Variants in ZNF592 observed in about 807,000 individuals in gnomAD.
The protein encoded by ZNF592 is spinocerebellar ataxia, autosomal recessive 5.
Under a neutral mutation model 80.3 loss-of-function variants are expected in ZNF592, and 11 were observed. The observed-to-expected ratio is 0.14, with a 90% CI of 0.09 to 0.23. The LOEUF (loss-of-function observed/expected upper bound fraction) is 0.23, where lower values mean the gene tolerates loss of function less well. ZNF592 is among the 10% of genes least tolerant of loss of function. The pLI, the probability that ZNF592 is intolerant of heterozygous loss-of-function variation, is 1.00. For synonymous variants in ZNF592, 646 were observed against 640.3 expected, an observed-to-expected ratio of 1.01 and a Z score of -0.13; for missense variants, 1,420 against 1,633.9, an observed-to-expected ratio of 0.87 and a Z score of 2.26.
intron 10 of ZNF592, among the ~76,000 whole-genome samples, chr15:84,800,882 C>A (rs532230710): frequency 3.3e-5 from 5 of 152,354 alleles, no homozygotes; most frequent in African/African-American, 1.2e-4. Flanking sequence ...TAAATGTCTG[C>A]CGTTGGGGAC....
At chr15:84,752,787 G>A (rs757581422) in intron 1 of ZNF592, among the ~76,000 whole-genome samples, 1 of 152,120 alleles carries the variant, frequency 6.6e-6, no homozygotes, top group Non-Finnish European at 1.5e-5. Context: ...TCTCTGCTTC[G>A]TAGACCAGAA....
rs758125949 is a variant in ZNF592, at chr15:84,782,780, G to A, written c.105G>A (p.Glu35=). ...AGGAGGCCATCCAGACACCCAGTGA[G>A]GAGAATGAGAGTCCCCTCAAACCTC... ...DAKEAIQTPS[E]ENESPLKPPG... The change falls in exon 4 of 11, where the codon GAG becomes GAA. Residue 35 remains glutamate (E), a synonymous_variant. Coordinates refer to ENST00000560079, the MANE Select transcript of ZNF592 (RefSeq NM_014630.3). The A allele has an allele frequency of 6.2e-7, 1 of 1,614,110 alleles. No homozygotes were observed. The highest frequency in any genetic ancestry group is 2.2e-5 in the East Asian group (1 of 44,884).
intron 2 of ZNF592, among the ~76,000 whole-genome samples, chr15:84,768,625 G>A (rs2141971866): frequency 6.6e-6 from 1 of 152,018 alleles, no homozygotes; most frequent in South Asian, 2.1e-4. Flanking sequence ...CTTTCCTCTG[G>A]TGTCACACTG....
chr15:84,773,118 T>G (rs1169961633), intron 2 of ZNF592, among the ~76,000 whole-genome samples: 1 of 152,204 alleles, frequency 6.6e-6, no homozygotes, highest in Non-Finnish European at 1.5e-5. Context: ...ATATATTTTT[T>G]TAAAGTGATA....
At chr15:84,782,629 C>T in intron 3 of ZNF592, 28 bp from the exon 4 acceptor site, 1 of 1,609,858 alleles carries the variant, frequency 6.2e-7, no homozygotes, top group Non-Finnish European at 8.5e-7. Flanking sequence ...CTGGTGGTCA[C>T]TGATTCTGTT....
chr15:84,797,851 T>C lies in ZNF592; in HGVS notation c.2400-18T>C. 1.2e-6 allele frequency: 2 copies of C among 1,614,172 alleles called. No homozygotes were observed. Among genetic ancestry groups the C allele is most frequent in the East Asian group, 2.2e-5 (1 of 44,882 alleles). On this transcript the variant is annotated intron_variant, in intron 5 of 10. Transcript: ENST00000560079. ...CCCTATACTCCACCCACACTCACACTACCCCACTTCTGTCTAGGTGCATCC... is the reference window on the plus strand; with the variant it reads ...CCCTATACTCCACCCACACTCACACCACCCCACTTCTGTCTAGGTGCATCC...
intron 1 of ZNF592, among the ~76,000 whole-genome samples, chr15:84,760,281 C>T (rs1899311612): frequency 6.6e-6 from 1 of 152,196 alleles, no homozygotes; most frequent in South Asian, 2.1e-4. Flanking sequence ...ATATCTCCTA[C>T]TCCTTCTGCT....
At chr15:84,750,860 C>G (rs1359659444) in intron 1 of ZNF592, among the ~76,000 whole-genome samples, 1 of 152,082 alleles carries the variant, frequency 6.6e-6, no homozygotes, top group Non-Finnish European at 1.5e-5. Flanking sequence ...GAGACTAGGG[C>G]CAAATTAGAG....
chr15:84,789,736 A>T (rs1351775953), intron 4 of ZNF592, among the ~76,000 whole-genome samples: 1 of 152,086 alleles, frequency 6.6e-6, no homozygotes, highest in South Asian at 2.1e-4. Flanking sequence ...TGCTCATGTT[A>T]TCCTATCTTT....
At position 84,802,019 on chromosome 15, in the gene ZNF592, CCT is replaced by C; in HGVS notation, c.3432_3433del (p.Gln1145AlafsTer69). 6.2e-7 allele frequency: 1 copy of C among 1,613,996 alleles called. No individual in the cohort carries two copies. Among genetic ancestry groups the C allele is most frequent in the Non-Finnish European group, 8.5e-7 (1 of 1,179,884 alleles). Reference sequence around the variant, plus strand: ...GGGGCTCGAGTTTCAGAGCCACATACCTCAGCACCAGGTGGACAGCTCCACAG... The same window carrying C: ...GGGGCTCGAGTTTCAGAGCCACATACCAGCACCAGGTGGACAGCTCCACAG... ...DSGLEFQSHI[P>X]QHQVDSSTAQ... On this transcript the variant is annotated frameshift_variant, in exon 11 of 11. Coordinates refer to ENST00000560079, the MANE Select transcript of ZNF592 (RefSeq NM_014630.3). LOFTEE classifies it high-confidence loss of function.
At chr15:84,777,868 T>C (rs1962308754) in intron 2 of ZNF592, among the ~76,000 whole-genome samples, 1 of 151,706 alleles carries the variant, frequency 6.6e-6, no homozygotes, top group African/African-American at 2.4e-5. Flanking sequence ...CCCGGCTAAT[T>C]TTTTTGTATT....
At chr15:84,766,621 CAG>C (rs1218857666) in intron 2 of ZNF592, among the ~76,000 whole-genome samples, 5 of 147,418 alleles carry the variant, frequency 3.4e-5, no homozygotes, top group African/African-American at 1.0e-4. Context: ...GATAGAGAGA[CAG>C]AGAGAGAGAG....
At chr15:84,758,867 A>G (rs1487943714) in intron 1 of ZNF592, among the ~76,000 whole-genome samples, 1 of 151,828 alleles carries the variant, frequency 6.6e-6, no homozygotes, top group African/African-American at 2.4e-5. Flanking sequence ...TCTAGGATGT[A>G]GTGAGCCGTG....
intron 2 of ZNF592, among the ~76,000 whole-genome samples, chr15:84,767,775 A>G (rs1207062773): frequency 6.6e-6 from 1 of 152,102 alleles, no homozygotes. Context: ...ATTGAGATAT[A>G]ATTCACATGC....
chr15:84,762,235 ATAAG>A (rs1899373789), intron 1 of ZNF592, among the ~76,000 whole-genome samples: 2 of 152,334 alleles, frequency 1.3e-5, no homozygotes, highest in East Asian at 1.9e-4. Context: ...TTTATAGATA[ATAAG>A]TAAGATAAAA....
Position 84,802,376 on chromosome 15 carries a change from C to T in ZNF592, c.3787C>T (p.Leu1263=), listed in dbSNP as rs1963124571. ...CTCTCAGGACCAGGACAGCCACACA[C>T]TGTCCCCTCAGGTGTGACCGGAGAC... ...QASQDQDSHT[L]SPQV Residue 1263 remains leucine (L), a synonymous_variant, in exon 11 of 11, where the codon CTG becomes TTG. Coordinates refer to ENST00000560079, the MANE Select transcript of ZNF592 (RefSeq NM_014630.3). 1 of 1,613,714 alleles carries T rather than the reference C, an allele frequency of 6.2e-7. No homozygotes were observed. Among genetic ancestry groups the T allele is most frequent in the Non-Finnish European group, 8.5e-7 (1 of 1,180,030 alleles).
chr15:84,802,636 T>G lies in ZNF592; in HGVS notation c.*243T>G. 1 of 570,022 alleles carries G rather than the reference T, an allele frequency of 1.8e-6. No homozygotes were observed. Among genetic ancestry groups the G allele is most frequent in the Non-Finnish European group, 3.1e-6 (1 of 318,050 alleles). 35.3% of individuals were successfully genotyped at this position (570,022 alleles called of 1,614,324 possible). A position where few individuals can be genotyped will look rare whatever the true frequency, so the allele number is the denominator to read the frequency against. On this transcript the variant is annotated 3_prime_UTR_variant, in exon 11 of 11. Coordinates refer to ENST00000560079, the MANE Select transcript of ZNF592 (RefSeq NM_014630.3). ...TTTATGGCTTTTCGCTGCTTCTTGGTGCCCCATCTCTTGTCTGTGTCCTTC... is the reference window on the plus strand; with the variant it reads ...TTTATGGCTTTTCGCTGCTTCTTGGGGCCCCATCTCTTGTCTGTGTCCTTC...
In ZNF592 at chr15:84,802,724, G is replaced by A. The variant is rs1051563898; in HGVS notation, c.*331G>A. 25 of 380,108 alleles carry A rather than the reference G, an allele frequency of 6.6e-5. No homozygotes were observed. Among genetic ancestry groups the A allele is most frequent in the Admixed American group, 5.0e-4 (13 of 25,942 alleles). The allele number at this position is 380,108 out of a possible 1,614,324, so 23.5% of individuals were successfully genotyped here. A position where few individuals can be genotyped will look rare whatever the true frequency, so the allele number is the denominator to read the frequency against. ...GTCAACTAGGCTTGAACCCCACAGC[G>A]GCTGTGCTCTTCTGGGAGGTTCCCG... On this transcript the variant is annotated 3_prime_UTR_variant, in exon 11 of 11. Transcript: ENST00000560079.
At chr15:84,757,979 T>C (rs1268091948) in intron 1 of ZNF592, among the ~76,000 whole-genome samples, 1 of 145,848 alleles carries the variant, frequency 6.9e-6, no homozygotes, top group Non-Finnish European at 1.5e-5. Context: ...CTTTTTTTTT[T>C]TCTTTTTTTT....
Sources: gnomAD v4.1 joint callset for allele counts (sites outside exome capture counted in the v4.1 genomes callset) on GRCh38, gnomAD v4.1.1 for gene constraint, MANE v1.5 for transcripts, NCBI Gene and HGNC (gene_info 2026-07-23, HGNC 2026-07-21) for gene names.